EIF3K: variants seen among roughly 807,000 people sequenced by gnomAD.
EIF3K encodes the protein eukaryotic translation initiation factor 3 subunit K.
EIF3K carries 27 observed loss-of-function variants against 34.2 expected under a neutral mutation model. The ratio of observed to expected loss-of-function variants is 0.79; its 90% CI spans 0.58 to 1.09. The LOEUF is 1.09. Among genes scored for constraint, EIF3K ranks in the 50% least tolerant of loss-of-function variants. The probability of loss-of-function intolerance (pLI) is 0.00; values close to 1 mark genes in which losing one functional copy is unlikely to be tolerated. For missense variants in EIF3K, 232 were observed against 275.4 expected, an observed-to-expected ratio of 0.84 and a Z score of 1.11; for synonymous variants, 105 against 105.7, an observed-to-expected ratio of 0.99 and a Z score of 0.04.
At chr19:38,625,889 A>C (rs1440646979) in intron 3 of EIF3K, 139 bp from the exon 4 acceptor site, 7 of 784,458 alleles carry the variant, frequency 8.9e-6, no homozygotes, top group African/African-American at 1.7e-5. Flanking sequence ...AGGAGAAATA[A>C]GCTGGCTTCC....
intron 7 of EIF3K, 94 bp downstream of exon 7, chr19:38,635,212 C>T (rs1976164900): frequency 6.4e-7 from 1 of 1,561,566 alleles, no homozygotes; most frequent in Admixed American, 1.7e-5. Flanking sequence ...GGTAGATCTG[C>T]TCGTGTTCTG....
At position 38,619,225 on chromosome 19, in the gene EIF3K, T is replaced by A; in HGVS notation, c.-44T>A. ...CCGTCCTTGAGGACGCCGTGCCGGG[T>A]CAGTGTTAGCCTCCAGCCCTGGTTG... On this transcript the variant is annotated 5_prime_UTR_variant, in exon 1 of 8. Coordinates refer to ENST00000248342, the MANE Select transcript of EIF3K (RefSeq NM_013234.4). The A allele has an allele frequency of 6.2e-7, 1 of 1,605,666 alleles. No individual in the cohort carries two copies. The highest frequency in any genetic ancestry group is 1.3e-5 in the African/African-American group (1 of 74,826).
intron 6 of EIF3K, among the ~76,000 whole-genome samples, chr19:38,633,907 G>A (rs865995457): frequency 7.3e-5 from 11 of 151,568 alleles, no homozygotes; most frequent in Non-Finnish European, 1.0e-4. Context: ...CAGGAGCAGA[G>A]GTTGCAGTGA....
Position 38,633,427 on chromosome 19 carries a change from G to A in EIF3K, c.499+749G>A, listed in dbSNP as rs151038350. ...CAAGAAACTAAGGAAGGCCGGGTGCGGTGGCTCCCGCCTGTAATCCAGCAC... is the reference window on the plus strand; with the variant it reads ...CAAGAAACTAAGGAAGGCCGGGTGCAGTGGCTCCCGCCTGTAATCCAGCAC... On this transcript the variant is annotated intron_variant, in intron 6 of 7. Transcript: ENST00000248342. 7.6e-3 allele frequency among the ~76,000 whole-genome samples: 1,158 copies of A among 152,300 alleles called. 16 individuals carry two copies. The highest frequency in any genetic ancestry group is 0.027 in the African/African-American group (1,103 of 41,578).
chr19:38,627,817 T>C (rs1285724789), intron 4 of EIF3K, among the ~76,000 whole-genome samples: 2 of 152,086 alleles, frequency 1.3e-5, no homozygotes, highest in Admixed American at 6.6e-5. Flanking sequence ...AGCTATCTTG[T>C]GCTACACCTG....
Position 38,624,077 on chromosome 19 carries a change from G to A in EIF3K, c.159G>A (p.Leu53=). The A allele has an allele frequency of 6.2e-7, 1 of 1,614,100 alleles. No individual in the cohort carries two copies. Among genetic ancestry groups the A allele is most frequent in the East Asian group, 2.2e-5 (1 of 44,870 alleles). ...CCACGTCTCTTGTTCTTTTTCTTAGGTACCAGTTCAACCCAGCCTTCTTTC... is the reference window on the plus strand; with the variant it reads ...CCACGTCTCTTGTTCTTTTTCTTAGATACCAGTTCAACCCAGCCTTCTTTC... The part of the protein sequence containing the change: ...DLEANLAVLK[L]YQFNPAFFQT... The change falls in exon 3 of 8, where the codon CTG becomes CTA. Residue 53 remains leucine, a splice_region_variant and synonymous_variant. Transcript: ENST00000248342.
In EIF3K at chr19:38,625,364, C is replaced by G. The variant is rs187919636; in HGVS notation, c.280-664C>G. Among the ~76,000 whole-genome samples, 489 of 151,962 alleles carry G rather than the reference C, an allele frequency of 3.2e-3. 3 individuals carry two copies. The highest frequency in any genetic ancestry group is 0.011 in the African/African-American group (459 of 41,440). On this transcript the variant is annotated intron_variant, in intron 3 of 7. Transcript: ENST00000248342. ...TATTTTTAGTAGAGACGGGGTTTTG[C>G]TATGTTGGCCAGGCTGCTCTCGAAC... is the stretch of plus-strand genomic sequence containing the variant.
At chr19:38,634,690 GC>G (rs2144784126) in intron 6 of EIF3K, among the ~76,000 whole-genome samples, 1 of 152,302 alleles carries the variant, frequency 6.6e-6, no homozygotes, top group South Asian at 2.1e-4. Flanking sequence ...AGATAAATAC[GC>G]TGCTCTTGTT....
intron 3 of EIF3K, 28 bp from the exon 4 acceptor site, chr19:38,626,000 A>C (rs761887782): frequency 1.2e-6 from 2 of 1,612,666 alleles, no homozygotes; most frequent in South Asian, 2.2e-5. Flanking sequence ...CTCCGAGGCC[A>C]GTTTTCCTTA....
At chr19:38,627,713 C>T (rs942230810) in intron 4 of EIF3K, among the ~76,000 whole-genome samples, 3 of 151,770 alleles carry the variant, frequency 2.0e-5, no homozygotes, top group Admixed American at 1.3e-4. Flanking sequence ...CACTGGCGCT[C>T]TCTACCACTC....
rs1975894849 is a variant in EIF3K, at chr19:38,623,948, C to G, written c.159-129C>G. 1.3e-5 allele frequency: 18 copies of G among 1,435,490 alleles called. No individual in the cohort carries two copies. The South Asian group carries it at 2.2e-4, about 17-fold the overall frequency. 88.9% of individuals were successfully genotyped at this position (1,435,490 alleles called of 1,614,324 possible). A position where few individuals can be genotyped will look rare whatever the true frequency, so the allele number is the denominator to read the frequency against. ...GTGAAGGTTACACAGCTGGGAAGCA[C>G]TGGGACTGGGATTGGAACCCAGGCA... is the stretch of plus-strand genomic sequence containing the variant. On this transcript the variant is annotated intron_variant, in intron 2 of 7. Coordinates refer to ENST00000248342, the MANE Select transcript of EIF3K (RefSeq NM_013234.4).
In EIF3K at chr19:38,633,437, G is replaced by A. The variant is rs190383741; in HGVS notation, c.499+759G>A. On this transcript the variant is annotated intron_variant, in intron 6 of 7. Transcript: ENST00000248342. ...AGGAAGGCCGGGTGCGGTGGCTCCCGCCTGTAATCCAGCACTTTGGGAGGC... is the reference window on the plus strand; with the variant it reads ...AGGAAGGCCGGGTGCGGTGGCTCCCACCTGTAATCCAGCACTTTGGGAGGC... 9.5e-4 allele frequency among the ~76,000 whole-genome samples: 144 copies of A among 152,038 alleles called. 1 individual carries two copies. The South Asian group carries it at 9.6e-3, about 10-fold the overall frequency.
intron 2 of EIF3K, among the ~76,000 whole-genome samples, chr19:38,621,846 G>A (rs993028373): frequency 6.6e-6 from 1 of 150,776 alleles, no homozygotes. Flanking sequence ...TGTCACTTGT[G>A]TGGCTGTCCT....
chr19:38,635,162 GC>G (rs899921809), intron 7 of EIF3K, 44 bp downstream of exon 7: 1 of 1,613,396 alleles, frequency 6.2e-7, no homozygotes, highest in South Asian at 1.1e-5. Context: ...CTAAGGGGGT[GC>G]CCCTCAAGGG....
rs1221616493 is a variant in EIF3K at position 38,636,838 on chromosome 19, G to GGTTT, written c.626-48_626-45dup. On this transcript the variant is annotated intron_variant, in intron 7 of 7. Transcript: ENST00000248342. ...GTGGGTGCTGTAGCAGGTGGCTGGAGGTTTGTCTCCCGCCCTTCTCACCTT... is the reference window on the plus strand; with the variant it reads ...GTGGGTGCTGTAGCAGGTGGCTGGAGGTTTGTTTGTCTCCCGCCCTTCTCACCTT... 22 of 1,611,788 alleles carry GGTTT rather than the reference G, an allele frequency of 1.4e-5. No homozygotes were observed. The African/African-American group carries it at 2.9e-4, about 22-fold the overall frequency.
chr19:38,624,229 G>C (rs1247325728), intron 3 of EIF3K, 32 bp downstream of exon 3: 2 of 1,613,432 alleles, frequency 1.2e-6, no homozygotes, highest in Non-Finnish European at 1.7e-6. Flanking sequence ...CGGGGGGTGT[G>C]TGGGAAGGGG....
At chr19:38,634,382 T>G (rs1362539675) in intron 6 of EIF3K, among the ~76,000 whole-genome samples, 1 of 150,792 alleles carries the variant, frequency 6.6e-6, no homozygotes, top group East Asian at 2.0e-4. Flanking sequence ...GCGGATCACC[T>G]GAGGTCGGGA....
At chr19:38,626,138 C>A (rs764723245) in intron 4 of EIF3K, 36 bp downstream of exon 4, 25 of 1,593,052 alleles carry the variant, frequency 1.6e-5, no homozygotes, top group Non-Finnish European at 2.2e-5. Context: ...GGGGAGATGG[C>A]AGGGCCATGT....
chr19:38,619,253 G>A lies in EIF3K; in HGVS notation c.-16G>A. 6.2e-7 allele frequency: 1 copy of A among 1,613,906 alleles called. No homozygotes were observed. Among genetic ancestry groups the A allele is most frequent in the Non-Finnish European group, 8.5e-7 (1 of 1,179,844 alleles). On this transcript the variant is annotated 5_prime_UTR_variant, in exon 1 of 8. Transcript: ENST00000248342. ...GTGTTAGCCTCCAGCCCTGGTTGTG[G>A]AAGGCGACAGAAGTCATGGCGATGT...
Sources: gnomAD v4.1 joint callset for allele counts (sites outside exome capture counted in the v4.1 genomes callset) on GRCh38, gnomAD v4.1.1 for gene constraint, MANE v1.5 for transcripts, NCBI Gene and HGNC (gene_info 2026-07-23, HGNC 2026-07-21) for gene names.